The following GRIK5 variants were observed in gnomAD, a reference collection of about 807,000 sequenced individuals.
GRIK5 encodes the protein glutamate receptor ionotropic, kainate 5.
GRIK5 carries 43 observed loss-of-function variants against 97.4 expected under a neutral mutation model. The observed-to-expected ratio is 0.44, with a 90% CI of 0.35 to 0.57. The LOEUF (loss-of-function observed/expected upper bound fraction) is 0.57. Among genes scored for constraint, GRIK5 ranks in the 20% least tolerant of loss-of-function variants. The pLI, the probability that GRIK5 is intolerant of heterozygous loss-of-function variation, is 0.01. For missense variants in GRIK5, 1,015 were observed against 1,382.0 expected (o/e 0.73, Z 4.21); for synonymous variants, 580 against 583.5 (o/e 0.99, Z 0.09).
intron 11 of GRIK5, among the ~76,000 whole-genome samples, chr19:42,049,311 C>A (rs1314613238): frequency 6.6e-6 from 1 of 152,154 alleles, no homozygotes; most frequent in Non-Finnish European, 1.5e-5. Context: ...CTAGAACACA[C>A]CCAACAGAAA....
intron 12 of GRIK5, among the ~76,000 whole-genome samples, chr19:42,029,784 A>G (rs2075819095): frequency 6.6e-6 from 1 of 152,180 alleles, no homozygotes; most frequent in Non-Finnish European, 1.5e-5. Flanking sequence ...CTCACTCCAG[A>G]TGAAAAAAGC....
At position 42,054,439 on chromosome 19, in the gene GRIK5, C is replaced by G; in HGVS notation, c.937G>C (p.Val313Leu). ...SAALMFDAVH[V>L]VVSAVRELNR... is the part of the protein sequence containing the mutation. ...AGCTCTCGGACAGCGCTCACCACCACGTGCACGGCGTCAAACATCAGGGCG... is the reference window on the plus strand; with the variant it reads ...AGCTCTCGGACAGCGCTCACCACCAGGTGCACGGCGTCAAACATCAGGGCG... The change falls in exon 9 of 20, where the codon GTG (valine) becomes CTG (leucine). Residue 313 changes from valine (V) to leucine (L), a missense_variant. By Grantham distance (32) the Val-to-Leu change is conservative. Around this residue, in one of 5 missense-constraint regions of GRIK5, gnomAD observed 477 missense variants for 701.1 expected, o/e 0.68. Transcript: ENST00000593562. The G allele has an allele frequency of 6.2e-7, 1 of 1,613,430 alleles. No individual in the cohort carries two copies. Among genetic ancestry groups the G allele is most frequent in the Non-Finnish European group, 8.5e-7 (1 of 1,179,998 alleles).
chr19:41,999,161 G>C lies in GRIK5; in HGVS notation c.2653C>G (p.Leu885Val). ...LSLRAVREMR[L>V]SNGKLYSAGA... ...GCCGAGTAGAGCTTGCCGTTGCTGA[G>C]GCGCATCTCGCGGACCGCGCGCAGT... The change falls in exon 20 of 20, where the codon CTC becomes GTC. Residue 885 changes from leucine (L) to valine (V), a missense_variant. This residue lies in a region of GRIK5 where 229 missense variants were observed against 341.0 expected (regional missense o/e 0.67). Coordinates refer to ENST00000593562, the MANE Select transcript of GRIK5 (RefSeq NM_002088.5). The surrounding 1 kb of genome is among the most constrained non-coding windows in gnomAD (Gnocchi z 5.0). 1 of 1,503,990 alleles carries C rather than the reference G, an allele frequency of 6.6e-7. No homozygotes were observed. The highest frequency in any genetic ancestry group is 8.8e-7 in the Non-Finnish European group (1 of 1,134,808). 93.2% of individuals were successfully genotyped at this position (1,503,990 alleles called of 1,614,324 possible).
At position 41,999,067 on chromosome 19, in the gene GRIK5, G is replaced by C; in HGVS notation, c.2747C>G (p.Pro916Arg). Residue 916 changes from proline (P) to arginine (R), a missense_variant, in exon 20 of 20, where the codon CCC becomes CGC. Physicochemically the swap from Pro to Arg is moderately radical, Grantham distance 103. This residue lies in a region of GRIK5 where 109 missense variants were observed against 100.4 expected (regional missense o/e 1.09). Transcript: ENST00000593562. This position sits in a 1 kb window ranked among gnomAD's most constrained non-coding sequence, Gnocchi z 5.0. ...PQRLLDDPGP[P>R]SGARPAAPTP... is the part of the protein sequence containing the mutation. ...GGGGGCGGCGGGTCGGGCTCCGCTG[G>C]GGGGCCCCGGGTCGTCCAGGAGGCG... is the stretch of plus-strand genomic sequence containing the variant. 4 of 1,269,164 alleles carry C rather than the reference G, an allele frequency of 3.2e-6. No homozygotes were observed. Among genetic ancestry groups the C allele is most frequent in the Non-Finnish European group, 4.0e-6 (4 of 1,011,742 alleles). 78.6% of individuals were successfully genotyped at this position (1,269,164 alleles called of 1,614,324 possible).
At position 42,007,066 on chromosome 19, in the gene GRIK5, A is replaced by T. The variant is rs541092399; in HGVS notation, c.1872-256T>A. 1.2e-4 allele frequency among the ~76,000 whole-genome samples: 18 copies of T among 152,302 alleles called. No individual in the cohort carries two copies. In the South Asian group the frequency reaches 3.7e-3, roughly 32 times the overall value. On this transcript the variant is annotated intron_variant, in intron 15 of 19. Transcript: ENST00000593562. The stretch of plus-strand genomic sequence containing the variant: ...AATACCCTCCCACCATAAACAGCTA[A>T]AGAGCTGGATAGAATACAGGAAACT...
At chr19:42,044,502 T>G (rs1290714565) in intron 11 of GRIK5, among the ~76,000 whole-genome samples, 1 of 152,160 alleles carries the variant, frequency 6.6e-6, no homozygotes, top group East Asian at 1.9e-4. Flanking sequence ...ATGGTCCAAG[T>G]GCTAGGAAAA....
At position 42,053,834 on chromosome 19, in the gene GRIK5, G is replaced by T. The variant is rs760574255; in HGVS notation, c.1152C>A (p.Gly384=). 1 of 1,611,464 alleles carries T rather than the reference G, an allele frequency of 6.2e-7. No individual in the cohort carries two copies. Among genetic ancestry groups the T allele is most frequent in the Non-Finnish European group, 8.5e-7 (1 of 1,177,546 alleles). ...TLRILEKSRQ[G]HREIGVWYSN... ...CCCTGGGTCTGCTCACCTCACGGTG[G>T]CCCTGCCGGGACTTTTCTAGGATGC... Residue 384 remains glycine (G), a synonymous_variant, in exon 10 of 20, where the codon GGC becomes GGA. Coordinates refer to ENST00000593562, the MANE Select transcript of GRIK5 (RefSeq NM_002088.5).
At chr19:42,045,507 T>C (rs974183900) in intron 11 of GRIK5, among the ~76,000 whole-genome samples, 1 of 152,146 alleles carries the variant, frequency 6.6e-6, no homozygotes, top group Non-Finnish European at 1.5e-5. Flanking sequence ...TCATGCAAAA[T>C]AATCAACTGC....
chr19:42,008,232 G>T (rs1250020579), intron 15 of GRIK5, among the ~76,000 whole-genome samples: 1 of 152,092 alleles, frequency 6.6e-6, no homozygotes, highest in Non-Finnish European at 1.5e-5. Context: ...TGGCAGGTTG[G>T]CCTTGAACTC....
chr19:42,003,275 G>A lies in GRIK5; in HGVS notation c.2514+57C>T, dbSNP rs567020416. On this transcript the variant is annotated intron_variant, in intron 19 of 19. Coordinates refer to ENST00000593562, the MANE Select transcript of GRIK5 (RefSeq NM_002088.5). This position sits in a 1 kb window ranked among gnomAD's most constrained non-coding sequence, Gnocchi z 4.2. The stretch of plus-strand genomic sequence containing the variant: ...TGGCTCCCAATGCCACAATCTTCAC[G>A]CACCTCAGCCCCTGGGGGTCCCTGT... 3.3e-5 allele frequency: 50 copies of A among 1,535,168 alleles called. No homozygotes were observed. The East Asian group carries it at 1.1e-3, about 33-fold the overall frequency.
Position 42,062,774 on chromosome 19 carries a change from A to G in GRIK5, c.326T>C (p.Ile109Thr), listed in dbSNP as rs753102326. The change falls in exon 4 of 20, where the codon ATC becomes ACC. Residue 109 changes from isoleucine (I) to threonine (T), a missense_variant. By Grantham distance (89) the Ile-to-Thr change is moderately conservative. Around this residue, in one of 5 missense-constraint regions of GRIK5, gnomAD observed 198 missense variants for 218.2 expected, o/e 0.91. Transcript: ENST00000593562. The surrounding 1 kb of genome is among the most constrained non-coding windows in gnomAD (Gnocchi z 5.3). ...CCATCTCACCTCCTTCTCTCCACAG[A>G]TATGGCTCACGGTGGAGGCAGATGC... ...SPASASTVSH[I>T]CGEKEIPHIK... is the part of the protein sequence containing the mutation. 33 of 1,613,524 alleles carry G rather than the reference A, an allele frequency of 2.0e-5. No individual in the cohort carries two copies. Among genetic ancestry groups the G allele is most frequent in the Non-Finnish European group, 2.5e-5 (29 of 1,179,554 alleles).
At chr19:42,050,043 C>T (rs2076091762) in intron 11 of GRIK5, among the ~76,000 whole-genome samples, 1 of 152,098 alleles carries the variant, frequency 6.6e-6, no homozygotes, top group Admixed American at 6.5e-5. Context: ...AATCCTCCTG[C>T]CTCAGCCTCC....
Position 42,045,640 on chromosome 19 carries a change from G to C in GRIK5, c.1270-2885C>G, listed in dbSNP as rs369048652. On this transcript the variant is annotated intron_variant, in intron 11 of 19. Coordinates refer to ENST00000593562, the MANE Select transcript of GRIK5 (RefSeq NM_002088.5). ...AGAGCCCTACAGCTACAGGGTGATG[G>C]AATGGAGGGCAGTCAGTGATTCTCT... 4.6e-5 allele frequency among the ~76,000 whole-genome samples: 7 copies of C among 152,326 alleles called. 1 individual carries two copies. Among genetic ancestry groups the C allele is most frequent in the African/African-American group, 1.7e-4 (7 of 41,576 alleles).
chr19:42,041,778 C>G (rs1462658440), intron 12 of GRIK5, among the ~76,000 whole-genome samples: 33 of 152,156 alleles, frequency 2.2e-4, no homozygotes. Context: ...TCCCCTTCTC[C>G]CACACCCCCT....
rs555944260 is a variant in GRIK5, at chr19:42,021,173, C to T, written c.1871+128G>A. 1.7e-5 allele frequency: 13 copies of T among 766,012 alleles called. No homozygotes were observed. Among genetic ancestry groups the T allele is most frequent in the South Asian group, 5.5e-5 (3 of 54,670 alleles). The allele number at this position is 766,012 out of a possible 1,614,324, so 47.5% of individuals were successfully genotyped here. ...GCTCAGCTCTCCCCACCCCATTCCTCGTCACACAGCTCTGCAAGGGAAAAC... is the reference window on the plus strand; with the variant it reads ...GCTCAGCTCTCCCCACCCCATTCCTTGTCACACAGCTCTGCAAGGGAAAAC... On this transcript the variant is annotated intron_variant, in intron 15 of 19. Coordinates refer to ENST00000593562, the MANE Select transcript of GRIK5 (RefSeq NM_002088.5). The surrounding 1 kb of genome is among the most constrained non-coding windows in gnomAD (Gnocchi z 4.2).
At position 42,062,505 on chromosome 19, in the gene GRIK5, A is replaced by C; in HGVS notation, c.491T>G (p.Ile164Ser). The C allele has an allele frequency of 6.2e-7, 1 of 1,614,120 alleles. No homozygotes were observed. Residue 164 changes from isoleucine (I) to serine (S), a missense_variant, in exon 5 of 20, where the codon ATC becomes AGC. Ile to Ser is a moderately radical substitution (Grantham distance 142, BLOSUM62 -2). Around this residue, in one of 5 missense-constraint regions of GRIK5, gnomAD observed 477 missense variants for 701.1 expected, o/e 0.68. Coordinates refer to ENST00000593562, the MANE Select transcript of GRIK5 (RefSeq NM_002088.5). This position sits in a 1 kb window ranked among gnomAD's most constrained non-coding sequence, Gnocchi z 5.3. Reference sequence around the variant, plus strand: ...TCCCTCACACTCAGCCTTGGCGCAGATGAGGCTGGCCGAGGGGTAGTTGAA... The same window carrying C: ...TCCCTCACACTCAGCCTTGGCGCAGCTGAGGCTGGCCGAGGGGTAGTTGAA... ...KSFNYPSASLICAKAECLLRL... is the reference protein window; with the variant it reads ...KSFNYPSASLSCAKAECLLRL...
intron 15 of GRIK5, among the ~76,000 whole-genome samples, chr19:42,008,033 A>ATT (rs1214538006): frequency 6.8e-6 from 1 of 146,998 alleles, no homozygotes. Context: ...CTGTTATGTA[A>ATT]TTTTTTTTTT....
chr19:42,008,389 G>A (rs1377072849), intron 15 of GRIK5, among the ~76,000 whole-genome samples: 5 of 152,304 alleles, frequency 3.3e-5, no homozygotes, highest in Admixed American at 2.6e-4. Context: ...CATTTTAGGA[G>A]GCTGAGGTGG....
chr19:42,042,533 G>T lies in GRIK5; in HGVS notation c.1473+19C>A. ...CTCGCCGGGTCCATGCATCTTTCCC[G>T]GCCCCAGTCCAGCCATACCCGGTTG... On this transcript the variant is annotated intron_variant, in intron 12 of 19. Transcript: ENST00000593562. The surrounding 1 kb of genome is among the most constrained non-coding windows in gnomAD (Gnocchi z 6.9). The T allele has an allele frequency of 6.3e-7, 1 of 1,593,076 alleles. No individual in the cohort carries two copies. The highest frequency in any genetic ancestry group is 8.6e-7 in the Non-Finnish European group (1 of 1,169,408).
Sources: gnomAD v4.1 joint callset for allele counts (sites outside exome capture counted in the v4.1 genomes callset) on GRCh38, gnomAD v4.1.1 for gene constraint, gnomAD v4.1.1 regional missense constraint, Gnocchi (gnomAD v3.1) non-coding constraint, MANE v1.5 for transcripts, NCBI Gene and HGNC (gene_info 2026-07-23, HGNC 2026-07-21) for gene names.